Variants in TG observed in about 807,000 individuals in gnomAD.
TG encodes the protein thyroid hormones.
A neutral mutation model predicts 324.7 loss-of-function variants in TG; 270 were observed. The observed-to-expected ratio is 0.83, with a 90% CI of 0.75 to 0.92. The LOEUF (loss-of-function observed/expected upper bound fraction) is 0.92, where lower values mean the gene tolerates loss of function less well. Among genes scored for constraint, TG ranks in the 40% least tolerant of loss-of-function variants. The pLI is 0.00. For synonymous variants in TG, 1,401 were observed against 1,327.0 expected, an observed-to-expected ratio of 1.06 and a Z score of -1.21; for missense variants, 3,591 against 3,456.4, an observed-to-expected ratio of 1.04 and a Z score of -0.98.
At position 132,911,525 on chromosome 8, in the gene TG, A is replaced by G. The variant is rs548761622; in HGVS notation, c.4151A>G (p.His1384Arg). 20 of 1,613,524 alleles carry G rather than the reference A, an allele frequency of 1.2e-5. No individual in the cohort carries two copies. In the East Asian group the frequency reaches 2.9e-4, roughly 23 times the overall value. ...DIPVASLPDLHDIERALVGKD... is the reference protein window; with the variant it reads ...DIPVASLPDLRDIERALVGKD... The stretch of plus-strand genomic sequence containing the variant: ...CCAGTGGCTTCTCTTCCTGACTTAC[A>G]TGACATTGGTATGTTTTTCTGTGGT... Residue 1384 changes from histidine to arginine, a missense_variant, in exon 19 of 48, where the codon CAT becomes CGT. Transcript: ENST00000220616.
intron 41 of TG, among the ~76,000 whole-genome samples, chr8:133,068,324 T>G (rs1472330224): frequency 6.6e-6 from 1 of 152,190 alleles, no homozygotes; most frequent in Non-Finnish European, 1.5e-5. Flanking sequence ...TACCCTTGAG[T>G]GCCCAGGAGG....
At chr8:133,087,773 C>G (rs1227762771) in intron 41 of TG, 1 of 152,116 alleles carries the variant, frequency 6.6e-6, no homozygotes, top group East Asian at 1.9e-4. Flanking sequence ...CAAATAAACC[C>G]AGTGGGGCCA....
At chr8:133,093,549 C>G (rs1475269108) in intron 41 of TG, among the ~76,000 whole-genome samples, 1 of 152,158 alleles carries the variant, frequency 6.6e-6, no homozygotes, top group East Asian at 1.9e-4. Flanking sequence ...TTCTGAGAAG[C>G]CCAGAGCCAT....
chr8:133,005,146 T>C (rs1833910591), intron 35 of TG, among the ~76,000 whole-genome samples: 1 of 152,130 alleles, frequency 6.6e-6, no homozygotes, highest in Non-Finnish European at 1.5e-5. Context: ...CTGAAGTTTA[T>C]AGATGTTGCT....
chr8:132,887,125 A>G lies in TG; in HGVS notation c.1753A>G (p.Ile585Val), dbSNP rs1230898948. ...ATTCCTTCTCTTCTTGCAACATGCT[A>G]TCTCTGTGCCAGAAGATGTGGCAAG... ...PEFLLFLQHA[I>V]SVPEDVARDL... Residue 585 changes from isoleucine to valine, a missense_variant, in exon 9 of 48, where the codon ATC becomes GTC. Ile to Val is a conservative substitution (Grantham distance 29). Coordinates refer to ENST00000220616, the MANE Select transcript of TG (RefSeq NM_003235.5). 1 of 1,614,196 alleles carries G rather than the reference A, an allele frequency of 6.2e-7. No homozygotes were observed. The highest frequency in any genetic ancestry group is 1.7e-5 in the Admixed American group (1 of 60,018).
At chr8:133,113,112 G>T (rs1416018526) in intron 43 of TG, among the ~76,000 whole-genome samples, 2 of 152,126 alleles carry the variant, frequency 1.3e-5, no homozygotes, top group African/African-American at 4.8e-5. Context: ...TGCAACAATG[G>T]TTAACCTTAA....
chr8:133,004,565 G>A (rs1385933879), intron 35 of TG, among the ~76,000 whole-genome samples: 1 of 152,166 alleles, frequency 6.6e-6, no homozygotes, highest in African/African-American at 2.4e-5. Context: ...CTGTTATGAA[G>A]ATCAATGCGA....
At chr8:132,895,538 G>A (rs951682617) in intron 11 of TG, among the ~76,000 whole-genome samples, 1 of 152,236 alleles carries the variant, frequency 6.6e-6, no homozygotes. Context: ...GTGGCACAGT[G>A]CCTGACACCT....
At chr8:133,091,283 CA>C (rs751916540) in intron 41 of TG, among the ~76,000 whole-genome samples, 11 of 152,228 alleles carry the variant, frequency 7.2e-5, no homozygotes, top group Admixed American at 2.0e-4. Flanking sequence ...CTGGGCTTCC[CA>C]TCCTTCCCCT....
chr8:132,905,009 G>C (rs1818465897), intron 16 of TG, among the ~76,000 whole-genome samples: 2 of 152,172 alleles, frequency 1.3e-5, no homozygotes, highest in African/African-American at 2.4e-5. Context: ...CTCAGTATTG[G>C]CGTCTGTATA....
chr8:132,910,918 G>A (rs1392536708), intron 18 of TG, among the ~76,000 whole-genome samples: 1 of 152,164 alleles, frequency 6.6e-6, no homozygotes, highest in African/African-American at 2.4e-5. Context: ...ACCCTGAGGA[G>A]CCTGCAGTAC....
chr8:133,071,053 C>T (rs866188352), intron 41 of TG, among the ~76,000 whole-genome samples: 23 of 152,220 alleles, frequency 1.5e-4, no homozygotes, highest in African/African-American at 4.1e-4. Context: ...GGTGTCAGTT[C>T]GCCTTTCTAT....
chr8:133,080,974 A>T (rs1845656698), intron 41 of TG, among the ~76,000 whole-genome samples: 2 of 152,250 alleles, frequency 1.3e-5, no homozygotes, highest in Non-Finnish European at 2.9e-5. Context: ...AATGGGACAC[A>T]TTGCGTATTG....
At chr8:132,961,176 GGT>G in intron 28 of TG, 103 bp downstream of exon 28, 2 of 1,175,270 alleles carry the variant, frequency 1.7e-6, no homozygotes, top group Non-Finnish European at 2.5e-6. Context: ...TAGAGGAATA[GGT>G]AGAGAGTCAC....
At chr8:132,969,206 T>C (rs778004625) in intron 31 of TG, among the ~76,000 whole-genome samples, 31 of 152,198 alleles carry the variant, frequency 2.0e-4, no homozygotes, top group Non-Finnish European at 4.1e-4. Flanking sequence ...GTTAGGCCTA[T>C]TTTTATTTCT....
At chr8:133,073,745 C>T (rs1844436105) in intron 41 of TG, among the ~76,000 whole-genome samples, 1 of 152,074 alleles carries the variant, frequency 6.6e-6, no homozygotes. Context: ...AAACACAGGC[C>T]TCAGCTCTGC....
At chr8:132,879,496 G>A (rs1205347936) in intron 5 of TG, among the ~76,000 whole-genome samples, 1 of 152,202 alleles carries the variant, frequency 6.6e-6, no homozygotes, top group Non-Finnish European at 1.5e-5. Flanking sequence ...TGGTCTGATT[G>A]TTCATACATA....
chr8:133,006,956 C>T (rs866701274), intron 35 of TG, among the ~76,000 whole-genome samples: 5 of 152,016 alleles, frequency 3.3e-5, no homozygotes, highest in South Asian at 2.1e-4. Flanking sequence ...AAACCTGGCA[C>T]GTTTTAAGGT....
intron 23 of TG, among the ~76,000 whole-genome samples, chr8:132,933,083 G>A (rs1822953486): frequency 6.8e-6 from 1 of 147,234 alleles, no homozygotes; most frequent in Non-Finnish European, 1.5e-5. Flanking sequence ...GGGGATCGAT[G>A]ATTCAATACA....
Sources: allele counts gnomAD v4.1 joint callset (sites outside exome capture counted in the v4.1 genomes callset), GRCh38; gene constraint gnomAD v4.1.1; transcripts MANE v1.5; gene names NCBI Gene and HGNC (gene_info 2026-07-23, HGNC 2026-07-21).